GLDC: variants seen among roughly 807,000 people sequenced by gnomAD.
GLDC encodes the protein glycine dehydrogenase (decarboxylating), mitochondrial.
In GLDC, 104 loss-of-function variants were observed where a neutral mutation model predicts 121.3. The observed-to-expected ratio is 0.86, with a 90% confidence interval of 0.73 to 1.01. GLDC has a LOEUF of 1.01. GLDC is among the 50% of genes least tolerant of loss of function. The pLI, the probability that GLDC is intolerant of heterozygous loss-of-function variation, is 0.00. For missense variants in GLDC, 1,429 were observed against 1,306.6 expected, an observed-to-expected ratio of 1.09 and a Z score of -1.44; for synonymous variants, 546 against 480.6, an observed-to-expected ratio of 1.14 and a Z score of -1.78.
At chr9:6,579,800 G>A (rs899607773) in intron 15 of GLDC, among the ~76,000 whole-genome samples, 18 of 152,154 alleles carry the variant, frequency 1.2e-4, no homozygotes, top group Non-Finnish European at 2.4e-4. Flanking sequence ...CTGGCTGCCC[G>A]GGCAACCTGT....
chr9:6,558,500 G>T (rs1368100380), intron 17 of GLDC, 59 bp downstream of exon 17: 19 of 1,589,780 alleles, frequency 1.2e-5, no homozygotes, highest in Non-Finnish European at 1.6e-5. Flanking sequence ...TCAAGTCCCT[G>T]ATCCCCACCA....
At position 6,600,904 on chromosome 9, in the gene GLDC, G is replaced by C. The variant is rs528626237; in HGVS notation, c.1155+1205C>G. Among the ~76,000 whole-genome samples, 279 of 152,298 alleles carry C rather than the reference G, an allele frequency of 1.8e-3. 3 individuals are homozygous for C. Among genetic ancestry groups the C allele is most frequent in the Admixed American group, 5.0e-3 (77 of 15,300 alleles). On this transcript the variant is annotated intron_variant, in intron 8 of 24. Transcript: ENST00000321612. ...AGAATGCCAGACATGGCCAGGTGCA[G>C]TGGCTCATGCTTGTAATCCCAACAC...
rs776700682 is a variant in GLDC, at chr9:6,644,687, A to C, written c.261T>G (p.Ile87Met). 1.9e-6 allele frequency: 3 copies of C among 1,610,414 alleles called. No individual in the cohort carries two copies. In the Admixed American group the frequency reaches 5.0e-5, roughly 27 times the overall value. The stretch of plus-strand genomic sequence containing the variant: ...GGACCGTCTTCTCGATCAATTCATC[A>C]ATGCTCTAAAATTAAAACGCAAGGC... ...EMLQTLGLAS[I>M]DELIEKTVPA... The change falls in exon 2 of 25, where the codon ATT becomes ATG. Residue 87 changes from isoleucine (I) to methionine (M), a missense_variant. By Grantham distance (10) the Ile-to-Met change is conservative. Transcript: ENST00000321612.
chr9:6,611,855 C>T (rs1415245396), intron 3 of GLDC, among the ~76,000 whole-genome samples: 1 of 152,118 alleles, frequency 6.6e-6, no homozygotes, highest in Non-Finnish European at 1.5e-5. Context: ...TGTGTTTCTA[C>T]ATGACAAATA....
At chr9:6,577,127 C>T (rs749154794) in intron 15 of GLDC, among the ~76,000 whole-genome samples, 7 of 152,204 alleles carry the variant, frequency 4.6e-5, no homozygotes, top group Admixed American at 1.3e-4. Flanking sequence ...GAAGACAGCG[C>T]GGAAAGGCAC....
intron 22 of GLDC, among the ~76,000 whole-genome samples, chr9:6,539,495 G>A (rs1346208581): frequency 6.6e-6 from 1 of 152,060 alleles, no homozygotes; most frequent in Non-Finnish European, 1.5e-5. Context: ...CCCCAAAAAA[G>A]TAATATGGTC....
At chr9:6,587,857 G>A (rs187509492) in intron 14 of GLDC, among the ~76,000 whole-genome samples, 13 of 152,012 alleles carry the variant, frequency 8.6e-5, no homozygotes, top group Admixed American at 5.9e-4. Context: ...GATTTCTTTC[G>A]TCTGATATGA....
chr9:6,555,610 A>G (rs916179506), intron 18 of GLDC, among the ~76,000 whole-genome samples: 1 of 152,020 alleles, frequency 6.6e-6, no homozygotes, highest in African/African-American at 2.4e-5. Flanking sequence ...CTCTACTAAA[A>G]TACAAAAATA....
intron 23 of GLDC, among the ~76,000 whole-genome samples, chr9:6,535,663 A>G (rs1259091901): frequency 6.6e-6 from 1 of 152,254 alleles, no homozygotes; most frequent in Non-Finnish European, 1.5e-5. Flanking sequence ...AACATGGGGC[A>G]TAAACATTGT....
intron 19 of GLDC, among the ~76,000 whole-genome samples, 183 bp downstream of exon 19, chr9:6,554,486 C>G (rs1004442941): frequency 1.3e-5 from 2 of 152,190 alleles, no homozygotes; most frequent in Non-Finnish European, 2.9e-5. Flanking sequence ...TCTAATTACG[C>G]TTTTCTTTGG....
In GLDC at chr9:6,593,027, G is replaced by T. The variant is rs535206024; in HGVS notation, c.1262-37C>A. The T allele has an allele frequency of 3.1e-6, 5 of 1,609,952 alleles. No individual in the cohort carries two copies. The East Asian group carries it at 8.9e-5, about 29-fold the overall frequency. ...AGGAGATCCCCCAAACTCTCATATA[G>T]AAACCTGCTCCTCAGCCATTGACAT... is the stretch of plus-strand genomic sequence containing the variant. On this transcript the variant is annotated intron_variant, in intron 9 of 24. Transcript: ENST00000321612.
intron 2 of GLDC, chr9:6,639,283 C>T (rs1289389911): frequency 4.2e-5 from 38 of 914,412 alleles, no homozygotes; most frequent in South Asian, 2.2e-4. Flanking sequence ...CACCTTCCGG[C>T]GGTCCAAGAC....
chr9:6,590,062 A>T (rs114362840), intron 11 of GLDC, among the ~76,000 whole-genome samples: 2,517 of 152,206 alleles, frequency 0.017, 66 homozygotes, highest in African/African-American at 0.058. Context: ...CTTAAAAAAA[A>T]AAAAGAAAAT....
At chr9:6,616,538 G>A (rs950888216) in intron 3 of GLDC, among the ~76,000 whole-genome samples, 2 of 152,152 alleles carry the variant, frequency 1.3e-5, no homozygotes, top group South Asian at 4.1e-4. Context: ...TCTGAGAGAT[G>A]ACAAATAACC....
At chr9:6,566,985 G>T (rs577496142) in intron 15 of GLDC, among the ~76,000 whole-genome samples, 1 of 152,140 alleles carries the variant, frequency 6.6e-6, no homozygotes, top group African/African-American at 2.4e-5. Context: ...CTGCCTCCCA[G>T]AGCTACGGGC....
intron 15 of GLDC, among the ~76,000 whole-genome samples, chr9:6,569,562 G>A (rs1302577807): frequency 1.3e-5 from 2 of 152,152 alleles, no homozygotes; most frequent in Non-Finnish European, 2.9e-5. Context: ...TGAGGCGGGA[G>A]AATTGCTTGA....
rs1180086083 is a variant in GLDC at position 6,540,095 on chromosome 9, G to A, written c.2621C>T (p.Ala874Val). 6.2e-7 allele frequency: 1 copy of A among 1,613,534 alleles called. No homozygotes were observed. The highest frequency in any genetic ancestry group is 8.5e-7 in the Non-Finnish European group (1 of 1,179,506). ...GGCCACATCCACAGCCTCAATATTTGCAGACTTTTTGAAGGGTCTCGTGTC... is the reference window on the plus strand; with the variant it reads ...GGCCACATCCACAGCCTCAATATTTACAGACTTTTTGAAGGGTCTCGTGTC... ...ILDTRPFKKS[A>V]NIEAVDVAKR... Residue 874 changes from alanine (A) to valine (V), a missense_variant, in exon 22 of 25, where the codon GCA (alanine) becomes GTA (valine). Physicochemically the swap from Ala to Val is moderately conservative, Grantham distance 64. Coordinates refer to ENST00000321612, the MANE Select transcript of GLDC (RefSeq NM_000170.3).
chr9:6,585,058 C>T (rs1183547160), intron 15 of GLDC: 1 of 152,166 alleles, frequency 6.6e-6, no homozygotes, highest in Non-Finnish European at 1.5e-5. Flanking sequence ...CCTTCCCTCA[C>T]CCCAGTCATT....
chr9:6,610,218 G>T lies in GLDC; in HGVS notation c.609C>A (p.Ala203=), dbSNP rs201699152. The T allele has an allele frequency of 6.2e-7, 1 of 1,612,842 alleles. No homozygotes were observed. The highest frequency in any genetic ancestry group is 1.3e-5 in the African/African-American group (1 of 74,908). Residue 203 remains alanine (A), a synonymous_variant, in exon 4 of 25, where the codon GCC becomes GCA. Transcript: ENST00000321612. ...TGTAGCACAGCTGCAGTGCCTCTGC[G>T]GCTGCAGTCCCCTCATCCAGCAGGG... ...NASLLDEGTA[A]AEALQLCYRH...
Sources: allele counts gnomAD v4.1 joint callset (sites outside exome capture counted in the v4.1 genomes callset), GRCh38; gene constraint gnomAD v4.1.1; transcripts MANE v1.5; gene names NCBI Gene and HGNC (gene_info 2026-07-23, HGNC 2026-07-21).